Variants in IQCJ observed in about 807,000 individuals in gnomAD.
The protein encoded by IQCJ is IQ domain-containing protein J.
Under a neutral mutation model 11.0 loss-of-function variants are expected in IQCJ, and 9 were observed. The ratio of observed to expected loss-of-function variants is 0.82; its 90% CI spans 0.49 to 1.43. IQCJ has a LOEUF of 1.43. Ranked by LOEUF, IQCJ falls within the 40% of genes most tolerant of loss-of-function variation. IQCJ has a pLI of 0.00. For synonymous variants in IQCJ, 55 were observed against 51.3 expected (o/e 1.07, Z -0.31); for missense variants, 146 against 133.2 (o/e 1.10, Z -0.47).
chr3:159,246,450 C>T (rs903940839), intron 2 of IQCJ, among the ~76,000 whole-genome samples: 2 of 152,114 alleles, frequency 1.3e-5, no homozygotes, highest in Non-Finnish European at 2.9e-5. Context: ...TTCCATTTCA[C>T]GGATGAGGAA....
chr3:159,262,421 T>C lies in IQCJ; in HGVS notation c.156-127T>C, dbSNP rs1009106878. ...TCTCCTGATTCACTACATCACATTC[T>C]GTATGTTCTACTTCCCTTGGCACCA... On this transcript the variant is annotated intron_variant, in intron 3 of 3. Coordinates refer to ENST00000397832, the MANE Select transcript of IQCJ (RefSeq NM_001042706.3). 135 of 1,401,312 alleles carry C rather than the reference T, an allele frequency of 9.6e-5. 1 individual carries two copies. The highest frequency in any genetic ancestry group is 1.1e-5 in the Non-Finnish European group (12 of 1,053,664). 86.8% of individuals were successfully genotyped at this position (1,401,312 alleles called of 1,614,324 possible). A position where few individuals can be genotyped will look rare whatever the true frequency, so the allele number is the denominator to read the frequency against.
intron 1 of IQCJ, among the ~76,000 whole-genome samples, chr3:159,170,208 A>G (rs1722414721): frequency 6.6e-6 from 1 of 152,138 alleles, no homozygotes; most frequent in Non-Finnish European, 1.5e-5. Context: ...AGGTCAAGGA[A>G]CTCAAGTTAG....
chr3:159,210,918 C>T (rs1365540394), intron 1 of IQCJ, among the ~76,000 whole-genome samples: 1 of 147,048 alleles, frequency 6.8e-6, no homozygotes, highest in African/African-American at 2.4e-5. Flanking sequence ...GTGATCCGCC[C>T]ACCTCTACCT....
At chr3:159,216,152 C>T (rs1725221182) in intron 1 of IQCJ, among the ~76,000 whole-genome samples, 2 of 151,856 alleles carry the variant, frequency 1.3e-5, no homozygotes, top group Admixed American at 1.3e-4. Context: ...CTACACTCTT[C>T]CCTCCTGTTA....
At chr3:159,209,941 C>T (rs1724862592) in intron 1 of IQCJ, among the ~76,000 whole-genome samples, 1 of 152,166 alleles carries the variant, frequency 6.6e-6, no homozygotes, top group Non-Finnish European at 1.5e-5. Flanking sequence ...TAGTTGATAG[C>T]ACAGGGCCTA....
At chr3:159,143,619 A>T (rs772820907) in intron 1 of IQCJ, among the ~76,000 whole-genome samples, 2 of 152,132 alleles carry the variant, frequency 1.3e-5, no homozygotes, top group Non-Finnish European at 2.9e-5. Context: ...TAGTTTCCTG[A>T]GTGGTCTTGA....
At chr3:159,178,841 A>G (rs1722934619) in intron 1 of IQCJ, among the ~76,000 whole-genome samples, 1 of 152,192 alleles carries the variant, frequency 6.6e-6, no homozygotes, top group South Asian at 2.1e-4. Context: ...GCTCAACAGG[A>G]AAAAGATACA....
chr3:159,192,402 T>A (rs751539206), intron 1 of IQCJ, among the ~76,000 whole-genome samples: 6 of 152,166 alleles, frequency 3.9e-5, no homozygotes, highest in Admixed American at 1.3e-4. Context: ...GATATTTGCA[T>A]GCAGGGAACT....
chr3:159,103,796 G>A (rs959276202), intron 1 of IQCJ, among the ~76,000 whole-genome samples: 1 of 152,212 alleles, frequency 6.6e-6, no homozygotes, highest in Admixed American at 6.5e-5. Context: ...CACTTTAAAT[G>A]CCCAGCAACT....
intron 1 of IQCJ, among the ~76,000 whole-genome samples, chr3:159,126,737 C>T (rs981492968): frequency 1.2e-4 from 18 of 152,270 alleles, no homozygotes; most frequent in East Asian, 3.9e-4. Flanking sequence ...CAGTGTTGGT[C>T]GAAGCAATCT....
intron 1 of IQCJ, among the ~76,000 whole-genome samples, chr3:159,199,605 G>A (rs867882911): frequency 2.6e-5 from 4 of 152,124 alleles, no homozygotes; most frequent in South Asian, 2.1e-4. Flanking sequence ...TTGATGTGGC[G>A]GGAGGAAAGC....
At chr3:159,090,798 C>T (rs1478918689) in intron 1 of IQCJ, among the ~76,000 whole-genome samples, 2 of 151,782 alleles carry the variant, frequency 1.3e-5, no homozygotes, top group Non-Finnish European at 2.9e-5. Context: ...CTTGGGCTTC[C>T]CACCTTTTCT....
At chr3:159,224,322 A>T (rs529154183) in intron 1 of IQCJ, among the ~76,000 whole-genome samples, 1 of 152,192 alleles carries the variant, frequency 6.6e-6, no homozygotes, top group Non-Finnish European at 1.5e-5. Flanking sequence ...AAAACTATCA[A>T]ATTTGTTTGC....
intron 1 of IQCJ, among the ~76,000 whole-genome samples, chr3:159,244,494 C>T (rs1461430310): frequency 6.6e-6 from 1 of 152,140 alleles, no homozygotes; most frequent in Non-Finnish European, 1.5e-5. Context: ...CTGCAAAATC[C>T]TCTATATACT....
intron 1 of IQCJ, among the ~76,000 whole-genome samples, chr3:159,221,747 A>G (rs1725559203): frequency 6.6e-6 from 1 of 151,000 alleles, no homozygotes. Flanking sequence ...AACTCCATTC[A>G]CTCTCTTCCA....
At chr3:159,114,855 C>T (rs947340398) in intron 1 of IQCJ, among the ~76,000 whole-genome samples, 1 of 152,188 alleles carries the variant, frequency 6.6e-6, no homozygotes, top group Non-Finnish European at 1.5e-5. Flanking sequence ...TCCGGAAGCT[C>T]AAATAAAGCT....
chr3:159,091,687 CA>C (rs1717320802), intron 1 of IQCJ, among the ~76,000 whole-genome samples: 2 of 148,850 alleles, frequency 1.3e-5, no homozygotes, highest in African/African-American at 5.1e-5. Context: ...CACACACACA[CA>C]CACACACACA....
chr3:159,157,411 T>A (rs1458854509), intron 1 of IQCJ, among the ~76,000 whole-genome samples: 1 of 152,222 alleles, frequency 6.6e-6, no homozygotes, highest in Non-Finnish European at 1.5e-5. Flanking sequence ...ATTGTCTTTA[T>A]CTTCTTAACA....
At chr3:159,087,571 T>C (rs1716881733) in intron 1 of IQCJ, among the ~76,000 whole-genome samples, 1 of 151,258 alleles carries the variant, frequency 6.6e-6, no homozygotes, top group Non-Finnish European at 1.5e-5. Flanking sequence ...GTTGGTAAGC[T>C]ATTGATTATT....
Sources: allele counts gnomAD v4.1 joint callset (sites outside exome capture counted in the v4.1 genomes callset), GRCh38; gene constraint gnomAD v4.1.1; transcripts MANE v1.5; gene names NCBI Gene and HGNC (gene_info 2026-07-23, HGNC 2026-07-21).